PDE4D: variants seen among roughly 807,000 people sequenced by gnomAD.
PDE4D encodes the protein 3',5'-cyclic-AMP phosphodiesterase 4D.
A neutral mutation model predicts 87.4 loss-of-function variants in PDE4D; 24 were observed. The ratio of observed to expected loss-of-function variants is 0.27; its 90% CI spans 0.20 to 0.39. The LOEUF (loss-of-function observed/expected upper bound fraction) is 0.39, where lower values mean the gene tolerates loss of function less well. Ranked by LOEUF, PDE4D falls within the 10% of genes least tolerant of loss-of-function variation. The probability of loss-of-function intolerance (pLI) is 1.00; values close to 1 mark genes in which losing one functional copy is unlikely to be tolerated. For synonymous variants in PDE4D, 384 were observed against 383.2 expected, an observed-to-expected ratio of 1.00 and a Z score of -0.02; for missense variants, 714 against 1,041.0, an observed-to-expected ratio of 0.69 and a Z score of 4.32.
At chr5:59,101,502 C>T (rs1372870591) in intron 5 of PDE4D, among the ~76,000 whole-genome samples, 1 of 152,070 alleles carries the variant, frequency 6.6e-6, no homozygotes, top group Non-Finnish European at 1.5e-5. Flanking sequence ...ATAATAAATA[C>T]AAAAACCCCT....
At chr5:59,455,167 C>A (rs116661937) in intron 1 of PDE4D, among the ~76,000 whole-genome samples, 1 of 152,174 alleles carries the variant, frequency 6.6e-6, no homozygotes, top group Non-Finnish European at 1.5e-5. Context: ...CCCAAGACAA[C>A]GAGGAAAATG....
chr5:60,264,825 C>T (rs1750017119), intron 1 of PDE4D, among the ~76,000 whole-genome samples: 1 of 152,098 alleles, frequency 6.6e-6, no homozygotes, highest in Non-Finnish European at 1.5e-5. Flanking sequence ...TATGGAGTGA[C>T]AACATTTTGC....
At chr5:59,957,037 C>A (rs1327595685) in intron 3 of PDE4D, among the ~76,000 whole-genome samples, 1 of 152,126 alleles carries the variant, frequency 6.6e-6, no homozygotes, top group East Asian at 1.9e-4. Flanking sequence ...TTATGGAATT[C>A]TTTGTGTTTT....
intron 1 of PDE4D, among the ~76,000 whole-genome samples, chr5:59,759,445 A>C (rs759310339): frequency 1.3e-5 from 2 of 152,206 alleles, no homozygotes; most frequent in Non-Finnish European, 2.9e-5. Context: ...GGTCATGGGA[A>C]GCACACGTGA....
intron 2 of PDE4D, among the ~76,000 whole-genome samples, chr5:60,059,955 C>A (rs1265278891): frequency 1.3e-5 from 2 of 151,990 alleles, no homozygotes; most frequent in Non-Finnish European, 2.9e-5. Flanking sequence ...AGAGCCCAAT[C>A]AGCTTTTCAT....
chr5:59,366,670 G>A (rs1176020023), intron 1 of PDE4D, among the ~76,000 whole-genome samples: 1 of 152,054 alleles, frequency 6.6e-6, no homozygotes, highest in African/African-American at 2.4e-5. Context: ...TGGGTTTTCT[G>A]TGGGTTTTAT....
intron 1 of PDE4D, among the ~76,000 whole-genome samples, chr5:60,287,443 G>C (rs934026827): frequency 3.9e-5 from 6 of 152,116 alleles, no homozygotes; most frequent in Admixed American, 2.0e-4. Flanking sequence ...CCTCTACTGC[G>C]GGAAGGCTCT....
intron 1 of PDE4D, among the ~76,000 whole-genome samples, chr5:60,312,755 A>C (rs1755166576): frequency 6.6e-6 from 1 of 152,072 alleles, no homozygotes; most frequent in African/African-American, 2.4e-5. Context: ...AAACCATTTC[A>C]TCAGTACTAA....
chr5:58,999,627 C>G, intron 6 of PDE4D: 1 of 1,190,482 alleles, frequency 8.4e-7, no homozygotes, highest in South Asian at 3.2e-5. Context: ...ACTTTAACAA[C>G]CTCCACAAGC....
intron 1 of PDE4D, among the ~76,000 whole-genome samples, chr5:59,576,370 T>G (rs1436053234): frequency 3.3e-5 from 5 of 152,170 alleles, no homozygotes; most frequent in Non-Finnish European, 7.4e-5. Context: ...GGATAACCTG[T>G]TAAATGTGAT....
intron 2 of PDE4D, among the ~76,000 whole-genome samples, chr5:60,105,063 C>T (rs372682221): frequency 5.2e-4 from 79 of 152,200 alleles, no homozygotes; most frequent in Admixed American, 2.9e-3. Flanking sequence ...CAAACTACTC[C>T]GAGCTTCAGG....
At chr5:60,159,409 A>G (rs1782281194) in intron 2 of PDE4D, among the ~76,000 whole-genome samples, 1 of 152,220 alleles carries the variant, frequency 6.6e-6, no homozygotes, top group Non-Finnish European at 1.5e-5. Context: ...TATATTAAGT[A>G]CTTAACAGTA....
intron 1 of PDE4D, among the ~76,000 whole-genome samples, chr5:60,470,599 G>C (rs771992999): frequency 5.9e-5 from 9 of 152,122 alleles, no homozygotes; most frequent in Non-Finnish European, 1.3e-4. Flanking sequence ...ACCAATACAG[G>C]TGGTAGCTTT....
chr5:60,373,446 A>G (rs1761192282), intron 1 of PDE4D, among the ~76,000 whole-genome samples: 1 of 152,034 alleles, frequency 6.6e-6, no homozygotes, highest in African/African-American at 2.4e-5. Flanking sequence ...TTTAGTTGCT[A>G]CCTCTTTCTC....
At chr5:59,021,727 G>T (rs1186393484) in intron 6 of PDE4D, among the ~76,000 whole-genome samples, 2 of 152,058 alleles carry the variant, frequency 1.3e-5, no homozygotes, top group African/African-American at 4.8e-5. Context: ...ATCCAGAAGA[G>T]GAATTGCAAA....
At chr5:59,068,341 T>C (rs1030469478) in intron 5 of PDE4D, among the ~76,000 whole-genome samples, 2 of 152,198 alleles carry the variant, frequency 1.3e-5, no homozygotes, top group African/African-American at 2.4e-5. Flanking sequence ...AAGTATTTTT[T>C]GTTAGGGGCT....
chr5:60,028,346 C>T (rs979448083), intron 2 of PDE4D, among the ~76,000 whole-genome samples: 2 of 152,178 alleles, frequency 1.3e-5, no homozygotes, highest in African/African-American at 4.8e-5. Context: ...CAAAGCCCTG[C>T]CTTCACCACT....
intron 2 of PDE4D, among the ~76,000 whole-genome samples, chr5:60,106,015 T>C (rs1281995711): frequency 6.6e-6 from 1 of 152,126 alleles, no homozygotes; most frequent in Non-Finnish European, 1.5e-5. Context: ...CAATATTAAC[T>C]TTAAATGTAA....
chr5:59,276,455 T>C (rs1374699079), intron 1 of PDE4D, among the ~76,000 whole-genome samples: 7 of 152,288 alleles, frequency 4.6e-5, no homozygotes, highest in East Asian at 3.9e-4. Flanking sequence ...CTTTTCTCTT[T>C]AGAAGCAAAG....
Sources: gnomAD v4.1 joint callset for allele counts (sites outside exome capture counted in the v4.1 genomes callset) on GRCh38, gnomAD v4.1.1 for gene constraint, MANE v1.5 for transcripts, NCBI Gene and HGNC (gene_info 2026-07-23, HGNC 2026-07-21) for gene names.